Variants in ITGA1 observed in about 807,000 individuals in gnomAD.
ITGA1 encodes integrin subunit alpha 1.
Under a neutral mutation model 145.9 loss-of-function variants are expected in ITGA1, and 85 were observed. The ratio of observed to expected loss-of-function variants is 0.58; its 90% CI spans 0.49 to 0.70. ITGA1 has a LOEUF of 0.70. ITGA1 is among the 30% of genes least tolerant of loss of function. The pLI is 0.00. For synonymous variants in ITGA1, 520 were observed against 495.3 expected, an observed-to-expected ratio of 1.05 and a Z score of -0.66; for missense variants, 1,351 against 1,418.7, an observed-to-expected ratio of 0.95 and a Z score of 0.77.
At chr5:52,801,829 G>T in intron 1 of ITGA1, 2 of 1,600,836 alleles carry the variant, frequency 1.2e-6, no homozygotes, top group Non-Finnish European at 8.5e-7. Flanking sequence ...TTCCAGTTCT[G>T]AAGAGGATTA....
In ITGA1 at chr5:52,897,414, G is replaced by C. The variant is rs376813746; in HGVS notation, c.1091-41G>C. ...CTGCAAGTCAGTAGTGCATGAAAAG[G>C]CATTGTTACTTATTTACAGTGATAT... On this transcript the variant is annotated intron_variant, in intron 9 of 28. Coordinates refer to ENST00000282588, the MANE Select transcript of ITGA1 (RefSeq NM_181501.2). 21 of 1,356,290 alleles carry C rather than the reference G, an allele frequency of 1.5e-5. 1 individual carries two copies. The highest frequency in any genetic ancestry group is 1.5e-4 in the Admixed American group (9 of 59,132). The allele number at this position is 1,356,290 out of a possible 1,614,324, so 84.0% of individuals were successfully genotyped here. A position where few individuals can be genotyped will look rare whatever the true frequency, so the allele number is the denominator to read the frequency against.
chr5:52,800,123 C>G (rs550279502), intron 1 of ITGA1: 2 of 414,884 alleles, frequency 4.8e-6, no homozygotes, highest in East Asian at 4.6e-5. Flanking sequence ...TTGCGTGCTG[C>G]CAGCGGGAAC....
intron 14 of ITGA1, among the ~76,000 whole-genome samples, chr5:52,911,245 G>T (rs1204956758): frequency 7.6e-6 from 1 of 131,932 alleles, no homozygotes; most frequent in African/African-American, 2.8e-5. Flanking sequence ...TGTATATATA[G>T]TATATACAGT....
At chr5:52,833,402 C>A (rs184102009) in intron 1 of ITGA1, among the ~76,000 whole-genome samples, 3 of 152,246 alleles carry the variant, frequency 2.0e-5, no homozygotes, top group East Asian at 3.9e-4. Flanking sequence ...TCTTCTATAA[C>A]TCTACAGGAC....
intron 28 of ITGA1, among the ~76,000 whole-genome samples, chr5:52,951,952 G>A (rs1751227492): frequency 6.6e-6 from 1 of 152,178 alleles, no homozygotes; most frequent in Non-Finnish European, 1.5e-5. Flanking sequence ...AGCACTTTGG[G>A]AGGCCGAGGC....
intron 26 of ITGA1, among the ~76,000 whole-genome samples, chr5:52,941,075 C>T (rs1751047124): frequency 6.6e-6 from 1 of 152,122 alleles, no homozygotes; most frequent in Non-Finnish European, 1.5e-5. Flanking sequence ...ATTATGGCCT[C>T]CATCTGCATG....
chr5:52,926,980 A>G (rs936482022), intron 19 of ITGA1, among the ~76,000 whole-genome samples: 1 of 152,192 alleles, frequency 6.6e-6, no homozygotes, highest in Admixed American at 6.5e-5. Context: ...ACAATTGATA[A>G]CATGTTTATT....
Position 52,875,497 on chromosome 5 carries a change from A to G in ITGA1, c.625-6376A>G, listed in dbSNP as rs150339737. ...ATTGTAATTATCTACCCATCTATTT[A>G]TTTTGTTCTACTTAATCAAGAGGTT... On this transcript the variant is annotated intron_variant, in intron 6 of 28. Transcript: ENST00000282588. Among the ~76,000 whole-genome samples the G allele has an allele frequency of 2.5e-3, 384 of 152,186 alleles. 6 individuals are homozygous for G. Among genetic ancestry groups the G allele is most frequent in the African/African-American group, 8.8e-3 (366 of 41,536 alleles).
chr5:52,911,232 TAGTGTATATATAGTATATAC>T (rs1319995997), intron 14 of ITGA1, among the ~76,000 whole-genome samples: 49 of 136,100 alleles, frequency 3.6e-4, no homozygotes, highest in African/African-American at 1.2e-3. Context: ...ATAGTATATG[TAGTGTATATATAGTATATAC>T]AGTGTATATA....
intron 1 of ITGA1, among the ~76,000 whole-genome samples, chr5:52,809,145 CCTTT>C (rs1748644467): frequency 6.6e-6 from 1 of 152,138 alleles, no homozygotes; most frequent in Non-Finnish European, 1.5e-5. Flanking sequence ...ACTCTTCCTG[CCTTT>C]CTTCTTCTGA....
intron 1 of ITGA1, among the ~76,000 whole-genome samples, chr5:52,844,220 A>C (rs1193719306): frequency 1.3e-5 from 2 of 152,150 alleles, no homozygotes; most frequent in African/African-American, 4.8e-5. Context: ...GTTCTAGCTG[A>C]AGTCCTTCAA....
Position 52,934,014 on chromosome 5 carries a change from A to T in ITGA1, c.2964+18A>T, listed in dbSNP as rs1750929980. 9.3e-7 allele frequency: 1 copy of T among 1,076,744 alleles called. No homozygotes were observed. The highest frequency in any genetic ancestry group is 2.7e-5 in the East Asian group (1 of 37,688). 66.7% of individuals were successfully genotyped at this position (1,076,744 alleles called of 1,614,324 possible). A position where few individuals can be genotyped will look rare whatever the true frequency, so the allele number is the denominator to read the frequency against. ...TCTACTTGGTAAGAAATTACCTCTA[A>T]AATAGTATTCTAAAGGAGTTATTTG... On this transcript the variant is annotated intron_variant, in intron 23 of 28. Coordinates refer to ENST00000282588, the MANE Select transcript of ITGA1 (RefSeq NM_181501.2).
intron 1 of ITGA1, among the ~76,000 whole-genome samples, chr5:52,829,159 C>A (rs1358994653): frequency 3.3e-5 from 5 of 152,126 alleles, no homozygotes; most frequent in African/African-American, 1.2e-4. Context: ...TGGGGGAACA[C>A]AATTCAGCCC....
At chr5:52,835,715 T>C (rs1247672021) in intron 1 of ITGA1, among the ~76,000 whole-genome samples, 2 of 152,206 alleles carry the variant, frequency 1.3e-5, no homozygotes, top group African/African-American at 4.8e-5. Context: ...TTAGATTCCA[T>C]TGATGTCACA....
chr5:52,902,761 G>C (rs899787366), intron 11 of ITGA1: 10 of 152,046 alleles, frequency 6.6e-5, no homozygotes, highest in Non-Finnish European at 1.3e-4. Context: ...TTTTGGTAGA[G>C]ACCGGGTTTC....
At chr5:52,808,271 A>G (rs894711698) in intron 1 of ITGA1, among the ~76,000 whole-genome samples, 3 of 152,250 alleles carry the variant, frequency 2.0e-5, no homozygotes, top group Non-Finnish European at 4.4e-5. Flanking sequence ...AAAAATCTTT[A>G]GCTGTCATAC....
intron 23 of ITGA1, among the ~76,000 whole-genome samples, chr5:52,935,704 A>T (rs1750955713): frequency 6.6e-6 from 1 of 152,216 alleles, no homozygotes; most frequent in Non-Finnish European, 1.5e-5. Flanking sequence ...GAACAGTCAT[A>T]TTCTCAATAA....
chr5:52,921,305 C>A (rs1750726746), intron 17 of ITGA1, among the ~76,000 whole-genome samples: 1 of 152,066 alleles, frequency 6.6e-6, no homozygotes, highest in African/African-American at 2.4e-5. Flanking sequence ...TGACTTATTT[C>A]TGTATTATTG....
At chr5:52,819,417 A>G (rs1258637917) in intron 1 of ITGA1, among the ~76,000 whole-genome samples, 1 of 151,986 alleles carries the variant, frequency 6.6e-6, no homozygotes, top group African/African-American at 2.4e-5. Context: ...GCATTTTTTC[A>G]TGTGTCTTTT....
Sources: gnomAD v4.1 joint callset for allele counts (sites outside exome capture counted in the v4.1 genomes callset) on GRCh38, gnomAD v4.1.1 for gene constraint, MANE v1.5 for transcripts, NCBI Gene and HGNC (gene_info 2026-07-23, HGNC 2026-07-21) for gene names.